The following MAP4 variants were observed in gnomAD, a reference collection of about 807,000 sequenced individuals.
MAP4 encodes the protein microtubule-associated protein 4.
In MAP4, 76 loss-of-function variants were observed where a neutral mutation model predicts 170.2. The ratio of observed to expected loss-of-function variants is 0.45; its 90% confidence interval spans 0.37 to 0.54. The LOEUF (loss-of-function observed/expected upper bound fraction) is 0.54, where lower values mean the gene tolerates loss of function less well. MAP4 is among the 20% of genes least tolerant of loss of function. MAP4 has a pLI of 0.00. For synonymous variants in MAP4, 909 were observed against 994.5 expected (o/e 0.91, Z 1.62); for missense variants, 2,506 against 2,748.0 (o/e 0.91, Z 1.97).
In MAP4 at chr3:48,023,705, A is replaced by G. The variant is rs144875233; in HGVS notation, c.-19-24826T>C. 7.2e-5 allele frequency among the ~76,000 whole-genome samples: 11 copies of G among 152,280 alleles called. No individual in the cohort carries two copies. The East Asian group carries it at 2.1e-3, about 29-fold the overall frequency. On this transcript the variant is annotated intron_variant, in intron 1 of 18. Coordinates refer to the MAP4 transcript ENST00000360240. ...TGAAGTTGGCTGTGTTCAATATTCTATTGTTTTTCTTATACAAGCACTGGG... is the reference window on the plus strand; with the variant it reads ...TGAAGTTGGCTGTGTTCAATATTCTGTTGTTTTTCTTATACAAGCACTGGG...
intron 3 of MAP4, among the ~76,000 whole-genome samples, chr3:47,947,685 C>G (rs1426228980): frequency 1.3e-5 from 2 of 151,532 alleles, no homozygotes; most frequent in African/African-American, 4.8e-5. Flanking sequence ...GTGGTGGGCG[C>G]CTGTAGTCCC....
intron 4 of MAP4, among the ~76,000 whole-genome samples, chr3:47,922,919 A>G (rs1354992085): frequency 2.0e-5 from 3 of 152,232 alleles, no homozygotes; most frequent in Non-Finnish European, 2.9e-5. Context: ...GCGTGGTGGC[A>G]CGTGCCTGTA....
intron 12 of MAP4, among the ~76,000 whole-genome samples, chr3:47,873,311 T>C (rs2094119118): frequency 6.6e-6 from 1 of 152,160 alleles, no homozygotes; most frequent in African/African-American, 2.4e-5. Context: ...AGGGAAAGAA[T>C]CAGTTTAGCC....
In MAP4 at chr3:47,911,231, C is replaced by G; in HGVS notation, c.3190G>C (p.Gly1064Arg). 1 of 1,536,112 alleles carries G rather than the reference C, an allele frequency of 6.5e-7. No homozygotes were observed. Among genetic ancestry groups the G allele is most frequent in the Non-Finnish European group, 8.7e-7 (1 of 1,146,896 alleles). Reference sequence around the variant, plus strand: ...CTCATTTTCCCAGAACTTCCCCTTCCCTTCCTGCTTTTGCCATCACCTGCC... The same window carrying G: ...CTCATTTTCCCAGAACTTCCCCTTCGCTTCCTGCTTTTGCCATCACCTGCC... The part of the protein sequence containing the change: ...RMAGDGKSRK[G>R]RGSSGKMRTD... Residue 1064 changes from glycine to arginine, a missense_variant, in exon 9 of 21, where the codon GGA becomes CGA. Physicochemically the swap from Gly to Arg is moderately radical, Grantham distance 125 (BLOSUM62 -2). Around this residue, in one of 3 missense-constraint regions of MAP4, gnomAD observed 2,008 missense variants for 2,206.0 expected, o/e 0.91. Coordinates refer to ENST00000683076, the MANE Select transcript of MAP4 (RefSeq NM_001385682.1). This position sits in a 1 kb window ranked among gnomAD's most constrained non-coding sequence, Gnocchi z 4.0.
chr3:47,954,080 T>C (rs1373820126), intron 3 of MAP4, among the ~76,000 whole-genome samples: 2 of 151,892 alleles, frequency 1.3e-5, no homozygotes, highest in Admixed American at 6.6e-5. Flanking sequence ...ATCACCTTCA[T>C]CCTTGAAAAG....
chr3:47,872,040 G>C lies in MAP4; in HGVS notation c.5818C>G (p.Pro1940Ala). 2 of 1,613,528 alleles carry C rather than the reference G, an allele frequency of 1.2e-6. No individual in the cohort carries two copies. The highest frequency in any genetic ancestry group is 1.7e-6 in the Non-Finnish European group (2 of 1,179,510). ...RASPSKPASA[P>A]ASRSGSKSTQ... ...CTCTTGGACCCAGATCTGGAGGCTG[G>C]GGCAGAAGCTGGCTTGGATGGTGAG... Residue 1940 changes from proline to alanine, a missense_variant, in exon 13 of 21, where the codon CCA becomes GCA. Pro to Ala is a conservative substitution (Grantham distance 27, BLOSUM62 -1). This residue lies in a region of MAP4 where 487 missense variants were observed against 511.6 expected (regional missense o/e 0.95). Coordinates refer to ENST00000683076, the MANE Select transcript of MAP4 (RefSeq NM_001385682.1).
rs568469572 is a variant in MAP4 at position 47,906,302 on chromosome 3, G to T, written c.5383+2736C>A. On this transcript the variant is annotated intron_variant, in intron 9 of 20. Coordinates refer to ENST00000683076, the MANE Select transcript of MAP4 (RefSeq NM_001385682.1). ...TTTTATTACACAGACGCACACACAT[G>T]AAGATGACATCCTATAGATACAAAG... Among the ~76,000 whole-genome samples, 3 of 152,092 alleles carry T rather than the reference G, an allele frequency of 2.0e-5. No individual in the cohort carries two copies. The South Asian group carries it at 6.2e-4, about 32-fold the overall frequency.
intron 1 of MAP4, among the ~76,000 whole-genome samples, chr3:48,086,090 G>C (rs2100148852): frequency 6.7e-6 from 1 of 149,668 alleles, no homozygotes; most frequent in Non-Finnish European, 1.5e-5. Context: ...ATGTATGTAT[G>C]TGTGTATATA....
In MAP4 at chr3:47,869,247, T is replaced by A. The variant is rs1215209594; in HGVS notation, c.6375A>T (p.Pro2125=). The change falls in exon 16 of 21, where the codon CCA becomes CCT. Residue 2125 remains proline (P), a synonymous_variant. Transcript: ENST00000683076. ...CAGGTTGTTTCTGTGCACTTGCAATTGGGCCGGCTGTTTTAGTGACTGCAT... is the reference window on the plus strand; with the variant it reads ...CAGGTTGTTTCTGTGCACTTGCAATAGGGCCGGCTGTTTTAGTGACTGCAT... ...ESNAVTKTAG[P]IASAQKQPAG... 2 of 1,614,086 alleles carry A rather than the reference T, an allele frequency of 1.2e-6. No individual in the cohort carries two copies. The highest frequency in any genetic ancestry group is 3.3e-5 in the Admixed American group (2 of 60,020).
At chr3:48,058,904 C>CA (rs2100133670) in intron 1 of MAP4, among the ~76,000 whole-genome samples, 1 of 152,000 alleles carries the variant, frequency 6.6e-6, no homozygotes, top group South Asian at 2.1e-4. Context: ...CCTCAGCCTC[C>CA]GAGTAGCTGA....
chr3:47,897,869 G>A (rs1209212159), intron 10 of MAP4, among the ~76,000 whole-genome samples: 1 of 150,412 alleles, frequency 6.6e-6, no homozygotes, highest in Admixed American at 6.6e-5. Flanking sequence ...TTGAACCTGG[G>A]AGGTGGAGGC....
upstream of MAP4, among the ~76,000 whole-genome samples, chr3:48,020,128 C>T (rs774159152): frequency 6.6e-6 from 1 of 152,054 alleles, no homozygotes; most frequent in East Asian, 1.9e-4. Context: ...TCAAGTGATT[C>T]GCCTGCCTCA....
rs764651780 is a variant in MAP4 at position 47,870,876 on chromosome 3, C to G, written c.6231G>C (p.Leu2077=). 1.7e-5 allele frequency: 27 copies of G among 1,610,946 alleles called. No individual in the cohort carries two copies. Among genetic ancestry groups the G allele is most frequent in the Non-Finnish European group, 2.2e-5 (26 of 1,178,114 alleles). Residue 2077 remains leucine (L), a synonymous_variant, in exon 15 of 21, where the codon CTG becomes CTC. Coordinates refer to ENST00000683076, the MANE Select transcript of MAP4 (RefSeq NM_001385682.1). ...AGCCAACCTTGGAGCGGACATTCTT[C>G]AGATCAGGAGCAGAAGTATTGGTGG... ...RLATNTSAPD[L]KNVRSKVGST...
chr3:47,947,234 A>T (rs149628901), intron 3 of MAP4, among the ~76,000 whole-genome samples: 49 of 152,316 alleles, frequency 3.2e-4, no homozygotes, highest in African/African-American at 1.1e-3. Context: ...AGATTTCTTC[A>T]CACTTGAATA....
At position 47,855,512 on chromosome 3, in the gene MAP4, G is replaced by A. The variant is rs1359124119; in HGVS notation, c.6584-152C>T. The A allele has an allele frequency of 1.6e-6, 1 of 633,420 alleles. No homozygotes were observed. Among genetic ancestry groups the A allele is most frequent in the African/African-American group, 1.8e-5 (1 of 55,536 alleles). The allele number at this position is 633,420 out of a possible 1,614,324, so 39.2% of individuals were successfully genotyped here. A position where few individuals can be genotyped will look rare whatever the true frequency, so the allele number is the denominator to read the frequency against. On this transcript the variant is annotated intron_variant, in intron 18 of 20. Transcript: ENST00000683076. This position sits in a 1 kb window ranked among gnomAD's most constrained non-coding sequence, Gnocchi z 5.1. ...AACAGTGAACACGTTTGTCTAAAGA[G>A]GACTTCTCATATCACAGTGAGGCTG...
At chr3:48,064,441 C>T (rs745670909) in intron 1 of MAP4, among the ~76,000 whole-genome samples, 6 of 152,102 alleles carry the variant, frequency 3.9e-5, no homozygotes, top group Non-Finnish European at 7.4e-5. Flanking sequence ...TCACTGGTCC[C>T]CTACCCACAA....
intron 1 of MAP4, among the ~76,000 whole-genome samples, chr3:48,086,094 GTA>G (rs1258629962): frequency 6.7e-6 from 1 of 149,986 alleles, no homozygotes. Flanking sequence ...ATGTATGTGT[GTA>G]TATATATGTA....
At chr3:47,935,004 T>A (rs139339486) in intron 3 of MAP4, among the ~76,000 whole-genome samples, 230 of 152,354 alleles carry the variant, frequency 1.5e-3, no homozygotes, top group Non-Finnish European at 2.6e-3. Flanking sequence ...TGCCCAATGA[T>A]GCAAACCTCT....
intron 3 of MAP4, chr3:47,974,045 G>T: frequency 1.0e-6 from 1 of 985,252 alleles, no homozygotes; most frequent in Non-Finnish European, 1.2e-6. Context: ...CCTAAATTCC[G>T]GAAGTCGCTG....
Sources: allele counts gnomAD v4.1 joint callset (sites outside exome capture counted in the v4.1 genomes callset), GRCh38; gene constraint gnomAD v4.1.1; regional missense constraint gnomAD v4.1.1; non-coding constraint Gnocchi (gnomAD v3.1); transcripts MANE v1.5; gene names NCBI Gene and HGNC (gene_info 2026-07-23, HGNC 2026-07-21).